Variants in DENND1A observed in about 807,000 individuals in gnomAD.
DENND1A encodes the protein DENN domain-containing protein 1A.
A neutral mutation model predicts 113.7 loss-of-function variants in DENND1A; 51 were observed. That is an observed-to-expected ratio of 0.45 (90% CI 0.36 to 0.57). DENND1A has a LOEUF of 0.57. DENND1A is among the 20% of genes least tolerant of loss of function. The pLI is 0.00. For missense variants in DENND1A, 1,258 were observed against 1,395.9 expected, an observed-to-expected ratio of 0.90 and a Z score of 1.57; for synonymous variants, 565 against 570.8, an observed-to-expected ratio of 0.99 and a Z score of 0.14.
intron 2 of DENND1A, among the ~76,000 whole-genome samples, chr9:123,831,119 C>T (rs947381121): frequency 2.6e-5 from 4 of 152,090 alleles, no homozygotes; most frequent in South Asian, 2.1e-4. Context: ...CTGGATACTA[C>T]GTCAGGTTTC....
At chr9:123,483,328 T>C (rs923208109) in intron 13 of DENND1A, among the ~76,000 whole-genome samples, 6 of 152,164 alleles carry the variant, frequency 3.9e-5, no homozygotes, top group Non-Finnish European at 8.8e-5. Context: ...GGCATGCCGA[T>C]GGTGGTCCAG....
At chr9:123,695,440 G>C (rs563924559) in intron 5 of DENND1A, among the ~76,000 whole-genome samples, 1 of 152,116 alleles carries the variant, frequency 6.6e-6, no homozygotes, top group African/African-American at 2.4e-5. Flanking sequence ...CACTATTAGA[G>C]ATAAGAACAC....
At chr9:123,496,076 A>G (rs1351498996) in intron 13 of DENND1A, among the ~76,000 whole-genome samples, 1 of 152,256 alleles carries the variant, frequency 6.6e-6, no homozygotes, top group Non-Finnish European at 1.5e-5. Flanking sequence ...ATTTCTTCAG[A>G]ATCTGACAGC....
intron 2 of DENND1A, among the ~76,000 whole-genome samples, chr9:123,824,691 A>G (rs1219344577): frequency 6.6e-6 from 1 of 152,200 alleles, no homozygotes; most frequent in Non-Finnish European, 1.5e-5. Flanking sequence ...CTCCCAATCT[A>G]TATCTAAGGT....
chr9:123,433,675 A>C (rs2046307611), intron 19 of DENND1A, among the ~76,000 whole-genome samples: 2 of 152,206 alleles, frequency 1.3e-5, no homozygotes, highest in South Asian at 4.1e-4. Context: ...TTTTTTAAAA[A>C]AACAACAACA....
At chr9:123,736,875 C>T (rs1437358080) in intron 5 of DENND1A, among the ~76,000 whole-genome samples, 1 of 152,202 alleles carries the variant, frequency 6.6e-6, no homozygotes, top group Non-Finnish European at 1.5e-5. Context: ...GCAGTACATA[C>T]AGGACTTGAA....
intron 10 of DENND1A, among the ~76,000 whole-genome samples, chr9:123,615,414 A>G (rs999240742): frequency 6.6e-6 from 1 of 152,224 alleles, no homozygotes; most frequent in South Asian, 2.1e-4. Flanking sequence ...CAGCCTGCAG[A>G]GGAAGGAGGT....
rs761861350 is a variant in DENND1A at position 123,792,659 on chromosome 9, T to A, written c.89-29A>T. 2.4e-5 allele frequency: 39 copies of A among 1,611,408 alleles called. No homozygotes were observed. The East Asian group carries it at 4.0e-4, about 17-fold the overall frequency. On this transcript the variant is annotated intron_variant, in intron 2 of 23. Transcript: ENST00000394215. Reference sequence around the variant, plus strand: ...TAAATAATTGACAGATAATATTAATTGGCTTTGGATTAGTGAGCAAGCAGA... The same window carrying A: ...TAAATAATTGACAGATAATATTAATAGGCTTTGGATTAGTGAGCAAGCAGA...
intron 3 of DENND1A, among the ~76,000 whole-genome samples, chr9:123,781,504 C>A (rs1450980394): frequency 6.6e-6 from 1 of 152,162 alleles, no homozygotes; most frequent in Non-Finnish European, 1.5e-5. Context: ...CAATATCAGA[C>A]ATCATCAATT....
intron 1 of DENND1A, among the ~76,000 whole-genome samples, chr9:123,923,131 C>T (rs1382858420): frequency 1.3e-5 from 2 of 152,222 alleles, no homozygotes; most frequent in African/African-American, 4.8e-5. Context: ...CAGCCAGGAA[C>T]TTACACAGAT....
chr9:123,552,023 G>GAC (rs1564702966), intron 13 of DENND1A, among the ~76,000 whole-genome samples: 8 of 141,194 alleles, frequency 5.7e-5, no homozygotes, highest in African/African-American at 1.4e-4. Context: ...GAGAGCGAGA[G>GAC]AGAGAGAGAG....
intron 3 of DENND1A, among the ~76,000 whole-genome samples, chr9:123,776,691 C>T (rs1830521778): frequency 6.6e-6 from 1 of 152,098 alleles, no homozygotes; most frequent in Non-Finnish European, 1.5e-5. Flanking sequence ...AAGACAAGCA[C>T]CAAAACCTTA....
At chr9:123,845,793 T>A (rs1189404217) in intron 2 of DENND1A, among the ~76,000 whole-genome samples, 1 of 147,352 alleles carries the variant, frequency 6.8e-6, no homozygotes, top group Non-Finnish European at 1.5e-5. Flanking sequence ...CAGAAATAAA[T>A]CATTGTAACT....
intron 19 of DENND1A, among the ~76,000 whole-genome samples, chr9:123,431,517 C>T (rs1334918799): frequency 6.6e-6 from 1 of 152,208 alleles, no homozygotes; most frequent in Admixed American, 6.5e-5. Context: ...GTTCTCAGCA[C>T]AGAGTTGGGC....
chr9:123,433,634 G>T (rs1022899954), intron 19 of DENND1A, among the ~76,000 whole-genome samples: 1 of 152,034 alleles, frequency 6.6e-6, no homozygotes, highest in Non-Finnish European at 1.5e-5. Context: ...ACTTTCCCAA[G>T]AATGTCTTTA....
At chr9:123,543,755 A>G (rs1333790244) in intron 13 of DENND1A, among the ~76,000 whole-genome samples, 1 of 152,152 alleles carries the variant, frequency 6.6e-6, no homozygotes, top group Non-Finnish European at 1.5e-5. Flanking sequence ...GCTTCCCCGC[A>G]GCACCCAATC....
intron 16 of DENND1A, among the ~76,000 whole-genome samples, chr9:123,452,802 C>T (rs2047831790): frequency 1.3e-5 from 2 of 152,154 alleles, no homozygotes; most frequent in Admixed American, 6.5e-5. Flanking sequence ...CAGCCAGGAT[C>T]GTTGGGAAAT....
At chr9:123,647,417 C>T (rs560187990) in intron 9 of DENND1A, among the ~76,000 whole-genome samples, 2 of 152,262 alleles carry the variant, frequency 1.3e-5, no homozygotes, top group South Asian at 2.1e-4. Context: ...CCTGCAAAGG[C>T]GTATTTATTA....
intron 1 of DENND1A, among the ~76,000 whole-genome samples, chr9:123,893,613 G>A (rs149921425): frequency 6.6e-6 from 1 of 152,254 alleles, no homozygotes; most frequent in African/African-American, 2.4e-5. Flanking sequence ...TGGGCACTGT[G>A]CTAAGCTTAA....
Sources: gnomAD v4.1 joint callset for allele counts (sites outside exome capture counted in the v4.1 genomes callset) on GRCh38, gnomAD v4.1.1 for gene constraint, MANE v1.5 for transcripts, NCBI Gene and HGNC (gene_info 2026-07-23, HGNC 2026-07-21) for gene names.